Variants in MICU3 observed in about 807,000 individuals in gnomAD.
MICU3 encodes mitochondrial calcium uptake 3, also known as calcium uptake protein 3, mitochondrial.
Under a neutral mutation model 66.5 loss-of-function variants are expected in MICU3, and 62 were observed. The ratio of observed to expected loss-of-function variants is 0.93; its 90% CI spans 0.76 to 1.15. MICU3 has a LOEUF of 1.15. Among genes scored for constraint, MICU3 ranks in the 50% most tolerant of loss-of-function variants. MICU3 has a pLI of 0.00. For synonymous variants in MICU3, 308 were observed against 240.7 expected, an observed-to-expected ratio of 1.28 and a Z score of -2.59; for missense variants, 779 against 664.4, an observed-to-expected ratio of 1.17 and a Z score of -1.90.
the MICU3 span, among the ~76,000 whole-genome samples, chr8:17,136,826 G>A: frequency 8.7e-4 from 132 of 151,864 alleles, 1 homozygote; most frequent in African/African-American, 3.0e-3. Flanking sequence ...CACAACTCAG[G>A]GGAGATAAAC....
intron 1 of MICU3, among the ~76,000 whole-genome samples, chr8:17,037,288 GCTC>G (rs1488452993): frequency 1.3e-5 from 2 of 152,234 alleles, no homozygotes; most frequent in African/African-American, 4.8e-5. Context: ...GGGCCGAAGA[GCTC>G]CTCAAGTGCT....
intron 9 of MICU3, among the ~76,000 whole-genome samples, chr8:17,100,187 C>A (rs1482094129): frequency 1.3e-5 from 2 of 151,526 alleles, no homozygotes; most frequent in Non-Finnish European, 3.0e-5. Context: ...ACCACAGAAA[C>A]TGGCCAACAT....
chr8:17,093,652 G>T (rs1000887504), intron 8 of MICU3, among the ~76,000 whole-genome samples: 2 of 151,664 alleles, frequency 1.3e-5, no homozygotes, highest in African/African-American at 4.8e-5. Context: ...TTGAATTGTT[G>T]TTACCTGTAT....
intron 7 of MICU3, among the ~76,000 whole-genome samples, chr8:17,088,313 A>G (rs1381880697): frequency 1.3e-5 from 2 of 151,982 alleles, no homozygotes; most frequent in East Asian, 3.9e-4. Context: ...GTAGTTCTCT[A>G]CTTAATTCAG....
rs1025800897 is a variant in MICU3, at chr8:17,121,937, C to T, written c.*1650C>T. On this transcript the variant is annotated 3_prime_UTR_variant, in exon 15 of 15. Coordinates refer to ENST00000318063, the MANE Select transcript of MICU3 (RefSeq NM_181723.3). ...TACCTCAGGTCTATTTTACCTTACA[C>T]TGAATGTTCTTAATATGATTTGGTA... 6.6e-6 allele frequency: 1 copy of T among 151,746 alleles called. No homozygotes were observed. Among genetic ancestry groups the T allele is most frequent in the Non-Finnish European group, 1.5e-5 (1 of 67,722 alleles). The allele number at this position is 151,746 out of a possible 1,614,324, so 9.4% of individuals were successfully genotyped here. A position where few individuals can be genotyped will look rare whatever the true frequency, so the allele number is the denominator to read the frequency against.
At chr8:17,106,172 G>T (rs1425251498) in intron 11 of MICU3, among the ~76,000 whole-genome samples, 1 of 151,990 alleles carries the variant, frequency 6.6e-6, no homozygotes, top group African/African-American at 2.4e-5. Flanking sequence ...CCACCAAATA[G>T]AACTAGTGTT....
At chr8:17,135,395 CAA>C in the MICU3 span, among the ~76,000 whole-genome samples, 2 of 128,432 alleles carry the variant, frequency 1.6e-5, no homozygotes, top group African/African-American at 2.9e-5. Flanking sequence ...AAGACTGTCT[CAA>C]AAAAAAAAAA....
chr8:17,137,571 T>C, the MICU3 span, among the ~76,000 whole-genome samples: 1 of 151,062 alleles, frequency 6.6e-6, no homozygotes. Flanking sequence ...ACACTGGGCT[T>C]CAAAAACTAT....
chr8:17,118,646 G>A, intron 13 of MICU3, 61 bp from the exon 14 acceptor site: 1 of 1,079,926 alleles, frequency 9.3e-7, no homozygotes, highest in African/African-American at 1.6e-5. Flanking sequence ...CCACATGTAA[G>A]TGAAATCACG....
rs150956416 is a variant in MICU3, at chr8:17,053,393, C to T, written c.382-10691C>T. On this transcript the variant is annotated intron_variant, in intron 1 of 14. Coordinates refer to ENST00000318063, the MANE Select transcript of MICU3 (RefSeq NM_181723.3). ...TTTTTGAATTGCTGACCTGAAGTAA[C>T]GTGAGCCTGTGCCTTGGCAATGAAC... is the stretch of plus-strand genomic sequence containing the variant. 8.5e-5 allele frequency among the ~76,000 whole-genome samples: 13 copies of T among 152,184 alleles called. No individual in the cohort carries two copies. In the East Asian group the frequency reaches 1.7e-3, roughly 20 times the overall value.
chr8:17,031,498 A>G (rs565806984), intron 1 of MICU3, among the ~76,000 whole-genome samples: 1 of 151,670 alleles, frequency 6.6e-6, no homozygotes, highest in Non-Finnish European at 1.5e-5. Context: ...TATGTTGGCT[A>G]TGCTGGTCTC....
chr8:17,114,562 G>A (rs1210297511), intron 12 of MICU3, among the ~76,000 whole-genome samples: 2 of 152,292 alleles, frequency 1.3e-5, no homozygotes, highest in Admixed American at 1.3e-4. Context: ...CAACTAACCT[G>A]TAAAATTGAG....
chr8:17,099,687 G>A (rs777064204), intron 9 of MICU3, among the ~76,000 whole-genome samples: 1 of 151,734 alleles, frequency 6.6e-6, no homozygotes, highest in African/African-American at 2.4e-5. Context: ...AGATATTTTA[G>A]AAGCACTTTA....
the MICU3 span, among the ~76,000 whole-genome samples, chr8:17,128,504 A>G: frequency 1.3e-5 from 2 of 152,206 alleles, no homozygotes; most frequent in Non-Finnish European, 2.9e-5. Context: ...AAATGAGAAA[A>G]CTGTAGGGAT....
At chr8:17,105,285 T>TA in intron 10 of MICU3, 128 bp from the exon 11 acceptor site, 2 of 579,798 alleles carry the variant, frequency 3.4e-6, no homozygotes, top group Admixed American at 7.7e-5. Flanking sequence ...GGAGGAACTT[T>TA]ATTAATCTTT....
rs60712856 is a variant in MICU3, at chr8:17,031,262, TTTATTA to T, written c.381+3638_381+3643del. ...ATTTTAAACCTATGCTGCCACTTCA[TTTATTA>T]TTATTATTATTATTATTATTATTAT... On this transcript the variant is annotated intron_variant, in intron 1 of 14. Coordinates refer to ENST00000318063, the MANE Select transcript of MICU3 (RefSeq NM_181723.3). Among the ~76,000 whole-genome samples the T allele has an allele frequency of 7.0e-3, 970 of 139,170 alleles. 8 individuals are homozygous for T. Among genetic ancestry groups the T allele is most frequent in the East Asian group, 0.014 (69 of 4,766 alleles). The allele number at this position is 139,170 out of a possible 152,430, so 91.3% of individuals were successfully genotyped here. A position where few individuals can be genotyped will look rare whatever the true frequency, so the allele number is the denominator to read the frequency against.
At chr8:17,041,964 G>C (rs1052923208) in intron 1 of MICU3, among the ~76,000 whole-genome samples, 2 of 152,130 alleles carry the variant, frequency 1.3e-5, no homozygotes, top group Non-Finnish European at 2.9e-5. Context: ...GATTGACCTA[G>C]CCACTGTAAA....
At position 17,110,743 on chromosome 8, in the gene MICU3, G is replaced by T. The variant is rs373146713; in HGVS notation, c.1258-3350G>T. On this transcript the variant is annotated intron_variant, in intron 11 of 14. Transcript: ENST00000318063. ...TGTACCTGGCAATTTTTTTGGGGAG[G>T]GGGGGGTAGAGACAGGGTTTTTTTT... is the stretch of plus-strand genomic sequence containing the variant. Among the ~76,000 whole-genome samples the T allele has an allele frequency of 1.8e-4, 27 of 147,700 alleles. No individual in the cohort carries two copies. The South Asian group carries it at 2.3e-3, about 13-fold the overall frequency.
intron 1 of MICU3, among the ~76,000 whole-genome samples, chr8:17,031,301 AT>A (rs1404008103): frequency 6.8e-6 from 1 of 147,596 alleles, no homozygotes; most frequent in Non-Finnish European, 1.5e-5. Flanking sequence ...TATTATTATT[AT>A]TTTGAGACAT....
Sources: allele counts gnomAD v4.1 joint callset (sites outside exome capture counted in the v4.1 genomes callset), GRCh38; gene constraint gnomAD v4.1.1; transcripts MANE v1.5; gene names NCBI Gene and HGNC (gene_info 2026-07-23, HGNC 2026-07-21).